The following MEGF11 variants were observed in gnomAD, a reference collection of about 807,000 sequenced individuals.
MEGF11 encodes multiple EGF like domains 11, also known as multiple epidermal growth factor-like domains protein 11.
Under a neutral mutation model 146.6 loss-of-function variants are expected in MEGF11, and 126 were observed. The ratio of observed to expected loss-of-function variants is 0.86; its 90% CI spans 0.74 to 1.00. The LOEUF is 1.00. Ranked by LOEUF, MEGF11 falls within the 50% of genes least tolerant of loss-of-function variation. MEGF11 has a pLI of 0.00. For missense variants in MEGF11, 1,509 were observed against 1,521.2 expected, an observed-to-expected ratio of 0.99 and a Z score of 0.13; for synonymous variants, 532 against 583.4, an observed-to-expected ratio of 0.91 and a Z score of 1.27.
chr15:65,973,809 T>C (rs1316600561), intron 7 of MEGF11, among the ~76,000 whole-genome samples: 2 of 152,170 alleles, frequency 1.3e-5, no homozygotes, highest in African/African-American at 4.8e-5. Flanking sequence ...CTATAAAGCA[T>C]GTTATGTAGA....
At chr15:66,236,636 T>G (rs548919863) in intron 1 of MEGF11, among the ~76,000 whole-genome samples, 1 of 152,246 alleles carries the variant, frequency 6.6e-6, no homozygotes, top group Non-Finnish European at 1.5e-5. Context: ...GAAATGGCTG[T>G]GCTGGAGGGA....
At chr15:65,934,237 GTTT>G (rs374810511) in intron 10 of MEGF11, among the ~76,000 whole-genome samples, 198 of 151,638 alleles carry the variant, frequency 1.3e-3, no homozygotes, top group Non-Finnish European at 2.1e-3. Flanking sequence ...TCCAAAGTGA[GTTT>G]TTGTTTGTTT....
chr15:65,965,949 A>G (rs749952577), intron 8 of MEGF11, among the ~76,000 whole-genome samples: 1 of 152,068 alleles, frequency 6.6e-6, no homozygotes, highest in Admixed American at 6.5e-5. Flanking sequence ...CGTCTTCCCA[A>G]ACTGAAACTC....
At chr15:66,078,179 C>T (rs905021106) in intron 5 of MEGF11, among the ~76,000 whole-genome samples, 1 of 152,178 alleles carries the variant, frequency 6.6e-6, no homozygotes, top group African/African-American at 2.4e-5. Flanking sequence ...AGCCCATTTC[C>T]TCCTCTGAGA....
Position 66,015,729 on chromosome 15 carries a change from T to G in MEGF11, c.395-33241A>C, listed in dbSNP as rs1052251693. On this transcript the variant is annotated intron_variant, in intron 5 of 25. Transcript: ENST00000395614. ...GCAGACCTGTGGTGAGTAATTAGAT[T>G]AATTTATTCATCCAATAGACAGCGT... Among the ~76,000 whole-genome samples, 8 of 152,284 alleles carry G rather than the reference T, an allele frequency of 5.3e-5. No homozygotes were observed. The East Asian group carries it at 1.5e-3, about 29-fold the overall frequency.
rs2078965676 is a variant in MEGF11, at chr15:65,915,537, G to C, written c.2406C>G (p.Ser802=). The change falls in exon 19 of 26, where the codon TCC becomes TCG. Residue 802 remains serine (S), a synonymous_variant. Transcript: ENST00000395614. Reference sequence around the variant, plus strand: ...AGGTGCCGGTGACATGGTCACAGGTGGAGTTGTTCATGCACTCACATAGCT... The same window carrying C: ...AGGTGCCGGTGACATGGTCACAGGTCGAGTTGTTCATGCACTCACATAGCT... ...CQQLCECMNN[S]TCDHVTGTCY... is the part of the protein sequence containing the mutation. The C allele has an allele frequency of 2.5e-6, 4 of 1,613,818 alleles. No individual in the cohort carries two copies. In the South Asian group the frequency reaches 4.4e-5, roughly 18 times the overall value.
At chr15:66,227,807 G>A (rs2091884810) in intron 1 of MEGF11, among the ~76,000 whole-genome samples, 2 of 152,212 alleles carry the variant, frequency 1.3e-5, no homozygotes, top group Non-Finnish European at 2.9e-5. Flanking sequence ...CCCCAGGGAA[G>A]GGCCACCCCA....
In MEGF11 at chr15:66,024,092, C is replaced by T. The variant is rs545601867; in HGVS notation, c.395-41604G>A. On this transcript the variant is annotated intron_variant, in intron 5 of 25. Coordinates refer to ENST00000395614, the MANE Select transcript of MEGF11 (RefSeq NM_001385028.1). ...GGCTCAGGGTGGGGCTGGTTCGTTC[C>T]TGGGGAACCCAGAGCAGAGTGAGGA... 1.2e-4 allele frequency among the ~76,000 whole-genome samples: 18 copies of T among 152,358 alleles called. No individual in the cohort carries two copies. In the South Asian group the frequency reaches 3.5e-3, roughly 30 times the overall value.
At chr15:65,948,739 TTGATGA>T (rs1430962997) in intron 10 of MEGF11, among the ~76,000 whole-genome samples, 1 of 152,218 alleles carries the variant, frequency 6.6e-6, no homozygotes, top group East Asian at 1.9e-4. Flanking sequence ...TCCTGTTTTA[TTGATGA>T]AAAAATGAGG....
intron 5 of MEGF11, among the ~76,000 whole-genome samples, chr15:66,028,589 A>G (rs2140222710): frequency 6.6e-6 from 1 of 152,384 alleles, no homozygotes; most frequent in African/African-American, 2.4e-5. Context: ...AATTATTTAT[A>G]TGCATGAAGA....
At chr15:65,997,672 G>A (rs2141815162) in intron 5 of MEGF11, among the ~76,000 whole-genome samples, 1 of 152,318 alleles carries the variant, frequency 6.6e-6, no homozygotes, top group Non-Finnish European at 1.5e-5. Context: ...CAGGGGCTCT[G>A]TTTTATTCAC....
chr15:66,200,826 A>C (rs571006845), intron 1 of MEGF11, among the ~76,000 whole-genome samples: 1 of 152,110 alleles, frequency 6.6e-6, no homozygotes, highest in Non-Finnish European at 1.5e-5. Flanking sequence ...GGGTTGGTGA[A>C]TCGCCTCTGA....
intron 1 of MEGF11, among the ~76,000 whole-genome samples, chr15:66,227,574 C>T (rs2091880313): frequency 6.6e-6 from 1 of 152,266 alleles, no homozygotes; most frequent in African/African-American, 2.4e-5. Flanking sequence ...ATGCCCACCA[C>T]CCACCCGCAT....
chr15:66,016,487 T>TC (rs1016409689), intron 5 of MEGF11, among the ~76,000 whole-genome samples: 2 of 151,268 alleles, frequency 1.3e-5, no homozygotes, highest in African/African-American at 4.9e-5. Flanking sequence ...CAGTTTTTTT[T>TC]TTTTTTTTTT....
chr15:66,197,421 G>GTTTTTGT (rs2091034976), intron 1 of MEGF11, among the ~76,000 whole-genome samples: 1 of 151,896 alleles, frequency 6.6e-6, no homozygotes, highest in Admixed American at 6.6e-5. Context: ...GTTTTTTGTT[G>GTTTTTGT]TTTTTGTTTT....
chr15:66,169,451 C>T (rs550880545), intron 1 of MEGF11, among the ~76,000 whole-genome samples: 1 of 152,332 alleles, frequency 6.6e-6, no homozygotes, highest in South Asian at 2.1e-4. Context: ...AGAACAGAGT[C>T]AGTTTCTCTC....
At chr15:66,075,202 T>A (rs1397751224) in intron 5 of MEGF11, among the ~76,000 whole-genome samples, 2 of 152,196 alleles carry the variant, frequency 1.3e-5, no homozygotes, top group Non-Finnish European at 2.9e-5. Context: ...AAGGTCTTTC[T>A]GCATCCCCTG....
At chr15:66,102,682 ATCC>A (rs1567241415) in intron 4 of MEGF11, among the ~76,000 whole-genome samples, 1 of 152,134 alleles carries the variant, frequency 6.6e-6, no homozygotes, top group Non-Finnish European at 1.5e-5. Flanking sequence ...GCCTCAAGCG[ATCC>A]TCCTACCTCA....
chr15:65,994,951 A>C (rs186397949), intron 5 of MEGF11, among the ~76,000 whole-genome samples: 1 of 152,352 alleles, frequency 6.6e-6, no homozygotes, highest in African/African-American at 2.4e-5. Context: ...GTGGGGCTTA[A>C]GTGCAGCAGC....
Sources: gnomAD v4.1 joint callset for allele counts (sites outside exome capture counted in the v4.1 genomes callset) on GRCh38, gnomAD v4.1.1 for gene constraint, MANE v1.5 for transcripts, NCBI Gene and HGNC (gene_info 2026-07-23, HGNC 2026-07-21) for gene names.